Variants in SV2C observed in about 807,000 individuals in gnomAD.
SV2C encodes the protein solute carrier family 22 member B3.
In SV2C, 49 loss-of-function variants were observed where a neutral mutation model predicts 79.7. The observed-to-expected ratio is 0.61, with a 90% confidence interval of 0.49 to 0.78. The LOEUF (loss-of-function observed/expected upper bound fraction) is 0.78. Among genes scored for constraint, SV2C ranks in the 30% least tolerant of loss-of-function variants. The pLI, the probability that SV2C is intolerant of heterozygous loss-of-function variation, is 0.00. For synonymous variants in SV2C, 334 were observed against 333.2 expected, an observed-to-expected ratio of 1.00 and a Z score of -0.03; for missense variants, 833 against 912.9, an observed-to-expected ratio of 0.91 and a Z score of 1.13.
chr5:76,142,193 C>T (rs573936730), intron 2 of SV2C, among the ~76,000 whole-genome samples: 1 of 152,190 alleles, frequency 6.6e-6, no homozygotes, highest in South Asian at 2.1e-4. Flanking sequence ...TTCTTTTTGG[C>T]CTGTAAGATT....
At chr5:75,874,052 C>A in the SV2C span, among the ~76,000 whole-genome samples, 1 of 152,108 alleles carries the variant, frequency 6.6e-6, no homozygotes, top group East Asian at 1.9e-4. Flanking sequence ...CTAATTCATT[C>A]TATGAGGTCA....
chr5:75,914,660 T>G, the SV2C span, among the ~76,000 whole-genome samples: 31 of 152,362 alleles, frequency 2.0e-4, no homozygotes, highest in African/African-American at 7.0e-4. Flanking sequence ...AAATTTTTGC[T>G]AATGTATATC....
chr5:76,312,606 C>A (rs1748487711), intron 12 of SV2C, among the ~76,000 whole-genome samples: 1 of 152,204 alleles, frequency 6.6e-6, no homozygotes, highest in African/African-American at 2.4e-5. Context: ...GGAGCGCACA[C>A]CTTGTGAGAT....
intron 3 of SV2C, among the ~76,000 whole-genome samples, chr5:76,201,264 A>C (rs1744434046): frequency 6.6e-6 from 1 of 152,188 alleles, no homozygotes; most frequent in South Asian, 2.1e-4. Flanking sequence ...GAAAGATGGG[A>C]AATGGAGTTG....
chr5:76,104,843 C>T (rs1458308924), intron 1 of SV2C, among the ~76,000 whole-genome samples: 1 of 152,142 alleles, frequency 6.6e-6, no homozygotes, highest in South Asian at 2.1e-4. Flanking sequence ...CTTTTGTCTA[C>T]ATGCGGTTGT....
chr5:76,059,052 G>C, the SV2C span, among the ~76,000 whole-genome samples: 1 of 151,968 alleles, frequency 6.6e-6, no homozygotes, highest in African/African-American at 2.4e-5. Flanking sequence ...GTCTATTAAG[G>C]ATGCAATAGC....
intron 1 of SV2C, among the ~76,000 whole-genome samples, chr5:76,086,271 A>G (rs1395813835): frequency 6.6e-5 from 10 of 152,218 alleles, no homozygotes; most frequent in African/African-American, 9.7e-5. Context: ...ATATCACGTG[A>G]CGACAAGTAC....
chr5:75,899,809 A>G, the SV2C span, among the ~76,000 whole-genome samples: 2 of 151,922 alleles, frequency 1.3e-5, no homozygotes, highest in African/African-American at 4.8e-5. Flanking sequence ...TGATCCCTTT[A>G]TCAGTATGTA....
chr5:75,943,632 C>T, the SV2C span, among the ~76,000 whole-genome samples: 1 of 152,132 alleles, frequency 6.6e-6, no homozygotes, highest in African/African-American at 2.4e-5. Flanking sequence ...GAAACGTGAG[C>T]AATAAGGAGA....
At chr5:75,999,668 A>AAT in the SV2C span, among the ~76,000 whole-genome samples, 1 of 141,498 alleles carries the variant, frequency 7.1e-6, no homozygotes, top group Non-Finnish European at 1.5e-5. Context: ...TTTTTTTTCT[A>AAT]CCCAGGCCTG....
chr5:75,960,098 A>T, the SV2C span, among the ~76,000 whole-genome samples: 6 of 151,954 alleles, frequency 3.9e-5, no homozygotes, highest in Admixed American at 3.9e-4. Flanking sequence ...ATTTTTCCTG[A>T]TGCTATTTTA....
intron 4 of SV2C, among the ~76,000 whole-genome samples, chr5:76,273,249 A>G (rs561992188): frequency 6.6e-6 from 1 of 151,410 alleles, no homozygotes; most frequent in Non-Finnish European, 1.5e-5. Context: ...TTATCTATAT[A>G]CAAAAGAAAA....
chr5:75,869,918 A>C, the SV2C span, among the ~76,000 whole-genome samples: 1 of 152,192 alleles, frequency 6.6e-6, no homozygotes, highest in South Asian at 2.1e-4. Context: ...AAGGTGGTAC[A>C]TCTAGTCTGC....
rs1743254547 is a variant in SV2C at position 76,171,578 on chromosome 5, G to A, written c.581-23341G>A. ...CATCTGGGAAGTGAGGAGCGTCTCC[G>A]CCGGGCAGCCACCCCGTCCAGGAGA... On this transcript the variant is annotated intron_variant, in intron 2 of 12. Coordinates refer to ENST00000502798, the MANE Select transcript of SV2C (RefSeq NM_014979.4). 2.1e-5 allele frequency among the ~76,000 whole-genome samples: 3 copies of A among 144,844 alleles called. 1 individual carries two copies. Among genetic ancestry groups the A allele is most frequent in the Admixed American group, 6.8e-5 (1 of 14,796 alleles).
At chr5:75,982,693 G>T in the SV2C span, among the ~76,000 whole-genome samples, 1 of 152,154 alleles carries the variant, frequency 6.6e-6, no homozygotes, top group African/African-American at 2.4e-5. Flanking sequence ...ATTCACAATA[G>T]CAAAGACATG....
the SV2C span, among the ~76,000 whole-genome samples, chr5:75,898,795 G>A: frequency 6.6e-6 from 1 of 152,128 alleles, no homozygotes; most frequent in Non-Finnish European, 1.5e-5. Context: ...GTTTAGTCTT[G>A]GGAGGGTGTA....
intron 12 of SV2C, chr5:76,352,982 C>T: frequency 5.0e-6 from 1 of 199,952 alleles, no homozygotes. Flanking sequence ...TGCTCTGTTG[C>T]CCAGGCTAGA....
At chr5:75,857,005 GAAGTGCAGTGGT>G in the SV2C span, among the ~76,000 whole-genome samples, 1 of 138,672 alleles carries the variant, frequency 7.2e-6, no homozygotes, top group African/African-American at 2.8e-5. Flanking sequence ...CACCCAGGCT[GAAGTGCAGTGGT>G]GCAATCTTGG....
the SV2C span, among the ~76,000 whole-genome samples, chr5:75,951,922 A>G: frequency 6.6e-6 from 1 of 151,986 alleles, no homozygotes; most frequent in African/African-American, 2.4e-5. Context: ...GAAACTTGTG[A>G]TACAGCAAAG....
Sources: gnomAD v4.1 joint callset for allele counts (sites outside exome capture counted in the v4.1 genomes callset) on GRCh38, gnomAD v4.1.1 for gene constraint, MANE v1.5 for transcripts, NCBI Gene and HGNC (gene_info 2026-07-23, HGNC 2026-07-21) for gene names.